Variants in NPAS3 observed in about 807,000 individuals in gnomAD.
NPAS3 encodes neuronal PAS domain protein 3, also known as neuronal PAS domain-containing protein 3.
Under a neutral mutation model 73.1 loss-of-function variants are expected in NPAS3, and 14 were observed. The observed-to-expected ratio is 0.19, with a 90% confidence interval of 0.13 to 0.30. NPAS3 has a LOEUF of 0.30. Among genes scored for constraint, NPAS3 ranks in the 10% least tolerant of loss-of-function variants. The pLI is 1.00. For synonymous variants in NPAS3, 620 were observed against 541.5 expected, an observed-to-expected ratio of 1.14 and a Z score of -2.01; for missense variants, 1,096 against 1,250.0, an observed-to-expected ratio of 0.88 and a Z score of 1.86.
chr14:33,404,137 G>A (rs1009768948), intron 4 of NPAS3, among the ~76,000 whole-genome samples: 6 of 152,114 alleles, frequency 3.9e-5, no homozygotes, highest in African/African-American at 1.4e-4. Flanking sequence ...TAGCTGGAAG[G>A]ACTGGAAATT....
intron 4 of NPAS3, among the ~76,000 whole-genome samples, chr14:33,419,646 GAAGATA>G (rs2048295409): frequency 6.6e-6 from 1 of 151,916 alleles, no homozygotes; most frequent in Non-Finnish European, 1.5e-5. Context: ...AGGAAAATAA[GAAGATA>G]AAGATAAATT....
intron 2 of NPAS3, among the ~76,000 whole-genome samples, chr14:33,087,654 G>C (rs1190076954): frequency 1.3e-5 from 2 of 152,106 alleles, no homozygotes; most frequent in Non-Finnish European, 2.9e-5. Flanking sequence ...AGTCATGGTT[G>C]GGGGAGAAAT....
intron 3 of NPAS3, among the ~76,000 whole-genome samples, chr14:33,296,627 G>C (rs1234083747): frequency 6.6e-6 from 1 of 152,192 alleles, no homozygotes; most frequent in Non-Finnish European, 1.5e-5. Flanking sequence ...GTATTACAGA[G>C]ATCTGCTTCC....
chr14:33,137,804 C>A (rs1446013927), intron 2 of NPAS3, among the ~76,000 whole-genome samples: 1 of 152,096 alleles, frequency 6.6e-6, no homozygotes, highest in Admixed American at 6.6e-5. Flanking sequence ...AGCTATTTGG[C>A]TAACATTTAT....
At chr14:33,072,062 T>C (rs1026236265) in intron 2 of NPAS3, among the ~76,000 whole-genome samples, 2 of 152,136 alleles carry the variant, frequency 1.3e-5, no homozygotes, top group African/African-American at 4.8e-5. Context: ...AGCTAATTTT[T>C]GTACTTTTAG....
At chr14:33,244,379 C>G (rs532589046) in intron 3 of NPAS3, among the ~76,000 whole-genome samples, 5 of 151,934 alleles carry the variant, frequency 3.3e-5, no homozygotes, top group Non-Finnish European at 7.4e-5. Flanking sequence ...TTGAGTTGAT[C>G]TAGCTCTGAA....
At chr14:33,144,744 A>T (rs531135837) in intron 2 of NPAS3, among the ~76,000 whole-genome samples, 1 of 152,262 alleles carries the variant, frequency 6.6e-6, no homozygotes, top group African/African-American at 2.4e-5. Context: ...AATGAATTTT[A>T]AAAATTCATT....
chr14:33,338,819 C>T (rs6571595), intron 3 of NPAS3, among the ~76,000 whole-genome samples: 85,406 of 151,980 alleles, frequency 0.56, 24,307 homozygotes, highest in Admixed American at 0.67. Flanking sequence ...TTGCAGAAGA[C>T]ATCCCATACT....
intron 3 of NPAS3, among the ~76,000 whole-genome samples, chr14:33,298,147 G>A (rs552148000): frequency 6.6e-6 from 1 of 152,104 alleles, no homozygotes; most frequent in Admixed American, 6.6e-5. Context: ...GTCAGTTATG[G>A]TGGTACATGC....
chr14:33,277,774 T>C (rs921663908), intron 3 of NPAS3, among the ~76,000 whole-genome samples: 6 of 151,910 alleles, frequency 3.9e-5, no homozygotes, highest in African/African-American at 1.5e-4. Flanking sequence ...AGGGGTGAGT[T>C]TGGAGTAGTA....
intron 3 of NPAS3, among the ~76,000 whole-genome samples, chr14:33,288,268 G>A (rs2041958666): frequency 6.6e-6 from 1 of 152,006 alleles, no homozygotes. Context: ...ATCTGCTTTG[G>A]CCCTTGTGCA....
chr14:33,161,457 C>A (rs978387427), intron 2 of NPAS3, among the ~76,000 whole-genome samples: 1 of 152,162 alleles, frequency 6.6e-6, no homozygotes, highest in African/African-American at 2.4e-5. Flanking sequence ...TCCCAAGGCC[C>A]AAGTTCTTGA....
intron 4 of NPAS3, among the ~76,000 whole-genome samples, chr14:33,432,942 ACTTT>A (rs1431049604): frequency 6.6e-6 from 1 of 152,248 alleles, no homozygotes; most frequent in Non-Finnish European, 1.5e-5. Context: ...TAAAGCAATT[ACTTT>A]ATTACATAGG....
intron 1 of NPAS3, among the ~76,000 whole-genome samples, chr14:32,957,671 C>G: frequency 6.6e-6 from 1 of 152,160 alleles, no homozygotes; most frequent in East Asian, 1.9e-4. Context: ...CGCACCCGGC[C>G]TAAGTATTCA....
At position 33,033,641 on chromosome 14, in the gene NPAS3, G is replaced by A. The variant is rs373844027; in HGVS notation, c.51-22264G>A. ...ATATTCTCTGCCCAATGGTTCATTT[G>A]CTTAACTGATGACCACTCTCTCTAA... On this transcript the variant is annotated intron_variant, in intron 1 of 11. Coordinates refer to ENST00000356141, the Ensembl canonical transcript of NPAS3. Among the ~76,000 whole-genome samples, 7 of 152,152 alleles carry A rather than the reference G, an allele frequency of 4.6e-5. No individual in the cohort carries two copies. In the East Asian group the frequency reaches 7.7e-4, roughly 17 times the overall value.
At chr14:33,168,501 G>C (rs1358711951) in intron 2 of NPAS3, among the ~76,000 whole-genome samples, 2 of 152,120 alleles carry the variant, frequency 1.3e-5, no homozygotes, top group African/African-American at 2.4e-5. Context: ...TTTTAAAAAA[G>C]CTTTTGAGCT....
chr14:33,153,920 T>C (rs1359507980), intron 2 of NPAS3, among the ~76,000 whole-genome samples: 3 of 152,182 alleles, frequency 2.0e-5, no homozygotes, highest in African/African-American at 4.8e-5. Context: ...ATGGCTGATA[T>C]CTCTTCCCCT....
intron 6 of NPAS3, among the ~76,000 whole-genome samples, chr14:33,702,376 C>T (rs1407585682): frequency 6.6e-6 from 1 of 152,168 alleles, no homozygotes; most frequent in East Asian, 1.9e-4. Flanking sequence ...TGGATCTCTC[C>T]AGTTGGAAAG....
intron 2 of NPAS3, among the ~76,000 whole-genome samples, chr14:33,163,066 A>G (rs552621243): frequency 6.6e-6 from 1 of 152,332 alleles, no homozygotes; most frequent in South Asian, 2.1e-4. Context: ...TCACTTTTTC[A>G]AAAAACCGTG....
Sources: allele counts gnomAD v4.1 joint callset (sites outside exome capture counted in the v4.1 genomes callset), GRCh38; gene constraint gnomAD v4.1.1; transcripts MANE v1.5; gene names NCBI Gene and HGNC (gene_info 2026-07-23, HGNC 2026-07-21).